Variants in EPC1 observed in about 807,000 individuals in gnomAD.
The protein encoded by EPC1 is enhancer of polycomb homolog 1.
EPC1 carries 12 observed loss-of-function variants against 98.4 expected under a neutral mutation model. The observed-to-expected ratio is 0.12, with a 90% CI of 0.08 to 0.20. EPC1 has a LOEUF of 0.20. EPC1 is among the 10% of genes least tolerant of loss of function. The pLI is 1.00. For synonymous variants in EPC1, 357 were observed against 363.9 expected (o/e 0.98, Z 0.21); for missense variants, 729 against 990.5 (o/e 0.74, Z 3.54).
rs754087416 is a variant in EPC1 at position 32,287,279 on chromosome 10, A to T, written c.976-5T>A. On this transcript the variant is annotated splice_region_variant and splice_polypyrimidine_tract_variant and intron_variant, in intron 6 of 13. Coordinates refer to ENST00000319778, the MANE Select transcript of EPC1 (RefSeq NM_001272004.3). ...GATAAGATCGGCTTTATCTTGCTGC[A>T]ACAAAGACATGAATTAATTATACAC... is the stretch of plus-strand genomic sequence containing the variant. 5 of 1,613,572 alleles carry T rather than the reference A, an allele frequency of 3.1e-6. No homozygotes were observed. In the South Asian group the frequency reaches 5.5e-5, roughly 18 times the overall value.
At position 32,287,203 on chromosome 10, in the gene EPC1, G is replaced by A. The variant is rs746352717; in HGVS notation, c.1047C>T (p.Ala349=). 42 of 1,613,970 alleles carry A rather than the reference G, an allele frequency of 2.6e-5. No individual in the cohort carries two copies. Among genetic ancestry groups the A allele is most frequent in the East Asian group, 6.7e-5 (3 of 44,892 alleles). The change falls in exon 7 of 14, where the codon GCC becomes GCT. Residue 349 remains alanine, a synonymous_variant. Coordinates refer to ENST00000319778, the MANE Select transcript of EPC1 (RefSeq NM_001272004.3). ...GACTCGTCTGTTGGGGAGTAGCAGC[G>A]GCAGACGATGGTAAGACTTTGGGCT... is the stretch of plus-strand genomic sequence containing the variant. ...EKKPKVLPSS[A]AATPQQTSPA...
At chr10:32,299,269 T>C (rs1835354157) in intron 2 of EPC1, among the ~76,000 whole-genome samples, 1 of 152,174 alleles carries the variant, frequency 6.6e-6, no homozygotes, top group African/African-American at 2.4e-5. Context: ...CACTGCAACC[T>C]CTGCCTCCTG....
chr10:32,341,727 T>C (rs1838369260), intron 1 of EPC1, among the ~76,000 whole-genome samples: 2 of 152,226 alleles, frequency 1.3e-5, no homozygotes, highest in African/African-American at 2.4e-5. Flanking sequence ...TCAAGAATCC[T>C]TAGTCTCTTC....
intron 1 of EPC1, among the ~76,000 whole-genome samples, chr10:32,329,180 T>C (rs1357111092): frequency 6.6e-6 from 1 of 152,226 alleles, no homozygotes; most frequent in Non-Finnish European, 1.5e-5. Context: ...AAAAGTGGCA[T>C]GTAACTTCTG....
chr10:32,305,037 G>C (rs1384902503), intron 2 of EPC1, among the ~76,000 whole-genome samples: 1 of 152,064 alleles, frequency 6.6e-6, no homozygotes, highest in African/African-American at 2.4e-5. Flanking sequence ...TTGTTTTTAA[G>C]TTGTTAATTA....
In EPC1 at chr10:32,376,332, C is replaced by T. The variant is rs556672970; in HGVS notation, c.3+2159G>A. On this transcript the variant is annotated intron_variant, in intron 1 of 13. Coordinates refer to the EPC1 transcript ENST00000375110. ...AGAGATTAAATAAAATAAAAATTAT[C>T]GCCATTCTGAATAGCAGACTATTTT... Among the ~76,000 whole-genome samples the T allele has an allele frequency of 5.3e-5, 8 of 152,058 alleles. No homozygotes were observed. The East Asian group carries it at 7.7e-4, about 15-fold the overall frequency.
chr10:32,274,733 TTGA>T, intron 10 of EPC1, among the ~76,000 whole-genome samples: 1 of 152,196 alleles, frequency 6.6e-6, no homozygotes, highest in South Asian at 2.1e-4. Context: ...AAGATTTTTA[TTGA>T]TAATAGAATG....
upstream of EPC1, among the ~76,000 whole-genome samples, chr10:32,349,726 A>G (rs942220115): frequency 6.6e-6 from 1 of 152,128 alleles, no homozygotes; most frequent in Non-Finnish European, 1.5e-5. Context: ...CTCAGCCATC[A>G]GTAGCTGGGA....
At chr10:32,355,081 G>C (rs965648917) in intron 1 of EPC1, among the ~76,000 whole-genome samples, 3 of 152,104 alleles carry the variant, frequency 2.0e-5, no homozygotes, top group Non-Finnish European at 2.9e-5. Context: ...ATCCTCATAG[G>C]GGGAGCACTC....
chr10:32,281,467 T>C (rs1836407213), intron 10 of EPC1, among the ~76,000 whole-genome samples: 2 of 152,174 alleles, frequency 1.3e-5, no homozygotes, highest in African/African-American at 4.8e-5. Flanking sequence ...CCATGCTGTA[T>C]GAAAATTAAA....
At chr10:32,281,519 T>C (rs1004074481) in intron 10 of EPC1, among the ~76,000 whole-genome samples, 1 of 152,212 alleles carries the variant, frequency 6.6e-6, no homozygotes, top group Admixed American at 6.6e-5. Flanking sequence ...TGAGGTAAGA[T>C]GCTTAACCTA....
chr10:32,371,364 C>T (rs1246756082), intron 1 of EPC1, among the ~76,000 whole-genome samples: 1 of 152,044 alleles, frequency 6.6e-6, no homozygotes, highest in Non-Finnish European at 1.5e-5. Flanking sequence ...CTATGTCCTA[C>T]TAGTGAATAT....
At chr10:32,347,254 C>G, upstream of EPC1, 1 of 1,159,124 alleles carries the variant, frequency 8.6e-7, no homozygotes, top group Non-Finnish European at 1.1e-6. Flanking sequence ...GAGGCCGGCG[C>G]CGGCACGAAG....
At chr10:32,358,313 A>G (rs796174619) in intron 1 of EPC1, among the ~76,000 whole-genome samples, 2 of 152,190 alleles carry the variant, frequency 1.3e-5, no homozygotes, top group African/African-American at 4.8e-5. Context: ...TATAAAGAAC[A>G]CGTATAATCT....
chr10:32,324,772 T>C (rs1395058404), intron 1 of EPC1, among the ~76,000 whole-genome samples: 1 of 152,060 alleles, frequency 6.6e-6, no homozygotes, highest in Non-Finnish European at 1.5e-5. Flanking sequence ...GGTCGGCGGA[T>C]CACGAGGTCA....
chr10:32,373,919 T>C (rs1047156744), intron 1 of EPC1, among the ~76,000 whole-genome samples: 2 of 152,218 alleles, frequency 1.3e-5, no homozygotes, highest in African/African-American at 4.8e-5. Context: ...GGGTTCTATG[T>C]TAGTATGAAA....
intron 1 of EPC1, among the ~76,000 whole-genome samples, chr10:32,311,086 G>A (rs564951633): frequency 1.0e-3 from 156 of 152,160 alleles, no homozygotes; most frequent in African/African-American, 3.3e-3. Context: ...CAAGGCGGGC[G>A]GATCACGAGG....
intron 1 of EPC1, among the ~76,000 whole-genome samples, chr10:32,342,228 T>C (rs959150422): frequency 6.6e-6 from 1 of 152,184 alleles, no homozygotes; most frequent in African/African-American, 2.4e-5. Flanking sequence ...AGAGAGTGGA[T>C]AGAATGGAGA....
chr10:32,293,837 A>G, intron 2 of EPC1, 100 bp from the exon 3 acceptor site: 2 of 1,117,004 alleles, frequency 1.8e-6, no homozygotes, highest in Non-Finnish European at 2.5e-6. Context: ...TTCTAAAGAA[A>G]TAAGAAAGAA....
Sources: gnomAD v4.1 joint callset for allele counts (sites outside exome capture counted in the v4.1 genomes callset) on GRCh38, gnomAD v4.1.1 for gene constraint, MANE v1.5 for transcripts, NCBI Gene and HGNC (gene_info 2026-07-23, HGNC 2026-07-21) for gene names.